FOXN2: variants seen among roughly 807,000 people sequenced by gnomAD.
The protein encoded by FOXN2 is forkhead box N2.
A neutral mutation model predicts 41.2 loss-of-function variants in FOXN2; 19 were observed. The ratio of observed to expected loss-of-function variants is 0.46; its 90% CI spans 0.32 to 0.68. The LOEUF is 0.68. FOXN2 is among the 30% of genes least tolerant of loss of function. FOXN2 has a pLI of 0.03. For missense variants in FOXN2, 587 were observed against 509.4 expected (o/e 1.15, Z -1.47); for synonymous variants, 195 against 176.8 (o/e 1.10, Z -0.82).
chr2:48,355,004 A>T (rs1475827039), intron 3 of FOXN2, among the ~76,000 whole-genome samples: 1 of 152,214 alleles, frequency 6.6e-6, no homozygotes, highest in Non-Finnish European at 1.5e-5. Flanking sequence ...TGAGGGCAGT[A>T]GTTACTAGAA....
upstream of FOXN2, chr2:48,314,630 A>C (rs1348878897): frequency 6.8e-6 from 1 of 147,590 alleles, no homozygotes; most frequent in Admixed American, 6.7e-5. Flanking sequence ...GGGGAAGGGG[A>C]GGGAGGGGGA....
rs371104265 is a variant in FOXN2 at position 48,342,921 on chromosome 2, A to G, written c.-14-3280A>G. On this transcript the variant is annotated intron_variant, in intron 2 of 6. Coordinates refer to ENST00000340553, the MANE Select transcript of FOXN2 (RefSeq NM_002158.4). ...CTTTGGCATATTTTGCTGCCATACT[A>G]TTTCTTTACATCTTAATGAAATTTT... is the stretch of plus-strand genomic sequence containing the variant. Among the ~76,000 whole-genome samples the G allele has an allele frequency of 1.4e-4, 21 of 152,316 alleles. No homozygotes were observed. The East Asian group carries it at 1.5e-3, about 11-fold the overall frequency.
chr2:48,360,794 T>G (rs1414805747), intron 4 of FOXN2, among the ~76,000 whole-genome samples: 2 of 151,460 alleles, frequency 1.3e-5, no homozygotes, highest in East Asian at 1.9e-4. Flanking sequence ...TGTTGGGTTT[T>G]TTTTTTTTTT....
intron 1 of FOXN2, among the ~76,000 whole-genome samples, chr2:48,319,731 C>T (rs995921641): frequency 6.7e-6 from 1 of 150,342 alleles, no homozygotes; most frequent in Non-Finnish European, 1.5e-5. Flanking sequence ...CTGCCTCAAC[C>T]TACCAAGTAG....
intron 2 of FOXN2, among the ~76,000 whole-genome samples, chr2:48,333,038 C>A (rs1455287032): frequency 6.6e-6 from 1 of 152,098 alleles, no homozygotes. Context: ...ATAATTTCAA[C>A]TTCAAATATA....
chr2:48,327,645 G>A (rs6757206), intron 1 of FOXN2, among the ~76,000 whole-genome samples: 66,530 of 151,868 alleles, frequency 0.44, 14,813 homozygotes, highest in East Asian at 0.52. Context: ...GTGTTTCTCC[G>A]TGTTGGTCAG....
chr2:48,346,699 A>G lies in FOXN2; in HGVS notation c.485A>G (p.His162Arg), dbSNP rs776243937. The change falls in exon 3 of 7, where the codon CAT becomes CGT. Residue 162 changes from histidine (H) to arginine (R), a missense_variant. Coordinates refer to ENST00000340553, the MANE Select transcript of FOXN2 (RefSeq NM_002158.4). ...ACAGGCTGGAAGAATTCTGTTCGAC[A>G]TAATCTGTCCCTGAATAAATGTTTT... ...APTGWKNSVR[H>R]NLSLNKCFQK... The G allele has an allele frequency of 6.2e-7, 1 of 1,610,640 alleles. No homozygotes were observed. Among genetic ancestry groups the G allele is most frequent in the Non-Finnish European group, 8.5e-7 (1 of 1,178,928 alleles).
chr2:48,340,466 A>T (rs553825294), intron 2 of FOXN2, among the ~76,000 whole-genome samples: 1 of 152,236 alleles, frequency 6.6e-6, no homozygotes, highest in Non-Finnish European at 1.5e-5. Flanking sequence ...TAATATGCAG[A>T]TGTGCAAATC....
At chr2:48,315,902 C>G (rs1034144808) in intron 1 of FOXN2, among the ~76,000 whole-genome samples, 1 of 152,182 alleles carries the variant, frequency 6.6e-6, no homozygotes, top group African/African-American at 2.4e-5. Context: ...TTTTAGCGTG[C>G]AAAGAAATGA....
At chr2:48,360,032 A>C (rs1672070763) in intron 4 of FOXN2, among the ~76,000 whole-genome samples, 1 of 151,936 alleles carries the variant, frequency 6.6e-6, no homozygotes, top group Non-Finnish European at 1.5e-5. Flanking sequence ...AATGCTTTGA[A>C]CTTTGTTTTT....
intron 3 of FOXN2, among the ~76,000 whole-genome samples, chr2:48,356,637 G>A (rs1671812883): frequency 6.6e-6 from 1 of 152,144 alleles, no homozygotes; most frequent in African/African-American, 2.4e-5. Flanking sequence ...CCACTTTATA[G>A]TTTTATCTAG....
intron 3 of FOXN2, among the ~76,000 whole-genome samples, chr2:48,355,886 T>C (rs1310226902): frequency 1.3e-5 from 2 of 152,226 alleles, no homozygotes; most frequent in African/African-American, 4.8e-5. Flanking sequence ...TTTATTTGTC[T>C]CTGGATTTTA....
chr2:48,358,481 GT>G (rs1671952431), intron 3 of FOXN2, among the ~76,000 whole-genome samples: 1 of 152,050 alleles, frequency 6.6e-6, no homozygotes. Flanking sequence ...CGGGACCTTG[GT>G]TTTTGAACCT....
intron 5 of FOXN2, among the ~76,000 whole-genome samples, chr2:48,366,051 C>T (rs1672507258): frequency 6.6e-6 from 1 of 152,018 alleles, no homozygotes; most frequent in African/African-American, 2.4e-5. Flanking sequence ...GACCCAGGCC[C>T]TGCTCTTAGA....
chr2:48,319,207 G>A (rs1283463307), intron 1 of FOXN2, among the ~76,000 whole-genome samples: 1 of 151,232 alleles, frequency 6.6e-6, no homozygotes, highest in Non-Finnish European at 1.5e-5. Context: ...AAATACATGG[G>A]GAAAATAACA....
chr2:48,322,489 GTT>G (rs1267859516), intron 1 of FOXN2, among the ~76,000 whole-genome samples: 2 of 152,076 alleles, frequency 1.3e-5, no homozygotes, highest in African/African-American at 4.8e-5. Flanking sequence ...AGTTAAGCCT[GTT>G]TTCTTGCTCA....
At chr2:48,332,819 C>T (rs1670097137) in intron 2 of FOXN2, among the ~76,000 whole-genome samples, 2 of 152,002 alleles carry the variant, frequency 1.3e-5, no homozygotes, top group Non-Finnish European at 2.9e-5. Context: ...TACTAAGAAT[C>T]CTATGAAAGT....
intron 2 of FOXN2, among the ~76,000 whole-genome samples, chr2:48,334,503 G>C (rs1254411459): frequency 6.6e-6 from 1 of 152,228 alleles, no homozygotes; most frequent in African/African-American, 2.4e-5. Context: ...GCAGCATGGT[G>C]AACCACGTAC....
chr2:48,316,506 A>G (rs780131913), intron 1 of FOXN2, among the ~76,000 whole-genome samples: 2 of 152,188 alleles, frequency 1.3e-5, no homozygotes, highest in Non-Finnish European at 2.9e-5. Context: ...AAATAAAATT[A>G]CCAGTGAAAA....
Sources: gnomAD v4.1 joint callset for allele counts (sites outside exome capture counted in the v4.1 genomes callset) on GRCh38, gnomAD v4.1.1 for gene constraint, MANE v1.5 for transcripts, NCBI Gene and HGNC (gene_info 2026-07-23, HGNC 2026-07-21) for gene names.